The following COL6A5 variants were observed in gnomAD, a reference collection of about 807,000 sequenced individuals.
COL6A5 encodes collagen alpha-5(VI) chain.
In COL6A5, 48 loss-of-function variants were observed where a neutral mutation model predicts 65.6. That is an observed-to-expected ratio of 0.73 (90% confidence interval 0.58 to 0.93). The LOEUF is 0.93. Ranked by LOEUF, COL6A5 falls within the 40% of genes least tolerant of loss-of-function variation. COL6A5 has a pLI of 0.00. For missense variants in COL6A5, 914 were observed against 928.3 expected, an observed-to-expected ratio of 0.98 and a Z score of 0.20; for synonymous variants, 291 against 322.8, an observed-to-expected ratio of 0.90 and a Z score of 1.05.
chr3:130,447,296 G>A (rs186283280), intron 4 of COL6A5, among the ~76,000 whole-genome samples: 152 of 152,232 alleles, frequency 1.0e-3, no homozygotes, highest in African/African-American at 3.4e-3. Context: ...GAGCTAGCAC[G>A]AGTCACATCC....
At chr3:130,370,533 C>T (rs1030229875) in intron 1 of COL6A5, among the ~76,000 whole-genome samples, 29 of 152,244 alleles carry the variant, frequency 1.9e-4, no homozygotes, top group African/African-American at 6.3e-4. Context: ...ACCCTGTTCC[C>T]AGGCATATAT....
chr3:130,404,407 C>T (rs939401756), intron 13 of COL6A5, among the ~76,000 whole-genome samples: 1 of 152,214 alleles, frequency 6.6e-6, no homozygotes, highest in Non-Finnish European at 1.5e-5. Context: ...ACTCTAGAGT[C>T]AGGCTGCCAA....
chr3:130,476,310 T>C (rs185768768), intron 7 of COL6A5, among the ~76,000 whole-genome samples: 43 of 152,258 alleles, frequency 2.8e-4, no homozygotes, highest in Non-Finnish European at 1.5e-5. Context: ...TGACCTCATT[T>C]AACCTTAAAT....
chr3:130,389,689 T>C (rs1396617009), intron 6 of COL6A5, among the ~76,000 whole-genome samples: 1 of 152,090 alleles, frequency 6.6e-6, no homozygotes, highest in African/African-American at 2.4e-5. Context: ...CTTTGAAAAA[T>C]TGTAATTTGT....
At chr3:130,449,715 A>G (rs1156894362) in intron 4 of COL6A5, among the ~76,000 whole-genome samples, 10 of 152,158 alleles carry the variant, frequency 6.6e-5, no homozygotes, top group Non-Finnish European at 1.0e-4. Flanking sequence ...TCACCGCCGG[A>G]GCCCATCCCA....
chr3:130,452,229 G>A (rs541590649), intron 4 of COL6A5, among the ~76,000 whole-genome samples: 4 of 152,190 alleles, frequency 2.6e-5, no homozygotes, highest in African/African-American at 4.8e-5. Context: ...AACCGATGAC[G>A]TTTCTCCGCA....
intron 7 of COL6A5, among the ~76,000 whole-genome samples, chr3:130,482,775 G>C (rs1028129479): frequency 2.6e-5 from 4 of 152,174 alleles, no homozygotes. Flanking sequence ...CTTGTAAGTT[G>C]TATTCTTAGG....
intron 1 of COL6A5, among the ~76,000 whole-genome samples, chr3:130,364,544 G>A (rs533935430): frequency 6.6e-6 from 1 of 152,324 alleles, no homozygotes; most frequent in South Asian, 2.1e-4. Context: ...AGTGTTTGGG[G>A]CAGATGGAAA....
intron 10 of COL6A5, among the ~76,000 whole-genome samples, chr3:130,399,544 T>G (rs1936735083): frequency 6.6e-6 from 1 of 151,738 alleles, no homozygotes. Context: ...CTAATTTTTT[T>G]TTATTTTTAG....
rs1301992463 is a variant in COL6A5, at chr3:130,376,838, T to A, written c.667+2T>A. 6.2e-7 allele frequency: 1 copy of A among 1,605,006 alleles called. No homozygotes were observed. Among genetic ancestry groups the A allele is most frequent in the Non-Finnish European group, 8.5e-7 (1 of 1,175,094 alleles). On this transcript the variant is annotated splice_donor_variant and NMD_transcript_variant, in intron 3 of 41. Transcript: ENST00000312481. ...GAGCCGTCGATGCTGATATGCAAGGTAAGGAAACCCTTGGTTGAAGAGGTG... is the reference window on the plus strand; with the variant it reads ...GAGCCGTCGATGCTGATATGCAAGGAAAGGAAACCCTTGGTTGAAGAGGTG...
At chr3:130,367,461 C>T (rs1935384076) in intron 1 of COL6A5, among the ~76,000 whole-genome samples, 1 of 152,120 alleles carries the variant, frequency 6.6e-6, no homozygotes, top group Admixed American at 6.5e-5. Context: ...CCTTCATTTC[C>T]TCTTCTCCTT....
At position 130,398,119 on chromosome 3, in the gene COL6A5, G is replaced by GTTTTTTTTTTTTTTTTT; in HGVS notation, c.3991+10_3991+11insTTTTTTTTTTTTTTTTT. 1 of 1,151,408 alleles carries GTTTTTTTTTTTTTTTTT rather than the reference G, an allele frequency of 8.7e-7. No homozygotes were observed. The highest frequency in any genetic ancestry group is 1.7e-5 in the African/African-American group (1 of 58,930). The allele number at this position is 1,151,408 out of a possible 1,614,324, so 71.3% of individuals were successfully genotyped here. A position where few individuals can be genotyped will look rare whatever the true frequency, so the allele number is the denominator to read the frequency against. On this transcript the variant is annotated intron_variant and NMD_transcript_variant, in intron 10 of 41. Transcript: ENST00000312481. ...ACAGGCTCAGAGAAGCAGGTATTGA[G>GTTTTTTTTTTTTTTTTT]TTGTTGTTGTTTTTTTTTTTTTTTT...
intron 4 of COL6A5, among the ~76,000 whole-genome samples, chr3:130,448,735 C>T (rs143315347): frequency 1.6e-4 from 24 of 152,320 alleles, no homozygotes; most frequent in African/African-American, 5.5e-4. Context: ...ACTTGTCCAA[C>T]ATGAAGCTGG....
chr3:130,393,445 A>G (rs766333234), intron 7 of COL6A5, among the ~76,000 whole-genome samples: 8 of 152,000 alleles, frequency 5.3e-5, no homozygotes, highest in Non-Finnish European at 1.0e-4. Flanking sequence ...CTGTTTTCCT[A>G]TCTGTATCTA....
intron 10 of COL6A5, among the ~76,000 whole-genome samples, chr3:130,398,544 C>T (rs1936697176): frequency 6.6e-6 from 1 of 152,136 alleles, no homozygotes; most frequent in African/African-American, 2.4e-5. Flanking sequence ...CTGTTGATAC[C>T]TCATCTAATC....
chr3:130,421,139 G>T lies in COL6A5; in HGVS notation c.4951-14G>T. On this transcript the variant is annotated splice_polypyrimidine_tract_variant and intron_variant and NMD_transcript_variant, in intron 25 of 41. Transcript: ENST00000312481. ...ACCTTTGAGAAATTGAAAAAAACTG[G>T]TGTGTTTACACAGGGAGATTCTGGC... 1.9e-6 allele frequency: 3 copies of T among 1,549,690 alleles called. No individual in the cohort carries two copies. The highest frequency in any genetic ancestry group is 3.9e-5 in the Admixed American group (2 of 50,894).
intron 11 of COL6A5, 99 bp downstream of exon 11, chr3:130,401,272 C>G (rs184709498): frequency 1.6e-5 from 17 of 1,045,212 alleles, no homozygotes; most frequent in Non-Finnish European, 2.3e-5. Flanking sequence ...TTTACCCCCA[C>G]TAAATTAAGT....
chr3:130,367,011 T>C (rs1490354327), intron 1 of COL6A5, among the ~76,000 whole-genome samples: 2 of 152,230 alleles, frequency 1.3e-5, no homozygotes, highest in African/African-American at 4.8e-5. Context: ...GGAGGAAGAA[T>C]TTTATGTGTT....
intron 10 of COL6A5, among the ~76,000 whole-genome samples, chr3:130,400,667 T>C (rs1936784183): frequency 6.6e-6 from 1 of 152,246 alleles, no homozygotes; most frequent in African/African-American, 2.4e-5. Flanking sequence ...TCTCTGGAGA[T>C]GAATAATGCC....
Sources: allele counts gnomAD v4.1 joint callset (sites outside exome capture counted in the v4.1 genomes callset), GRCh38; gene constraint gnomAD v4.1.1; transcripts MANE v1.5; gene names NCBI Gene and HGNC (gene_info 2026-07-23, HGNC 2026-07-21).